FRAS1: variants seen among roughly 807,000 people sequenced by gnomAD.
FRAS1 encodes extracellular matrix organizing protein FRAS1.
Under a neutral mutation model 435.2 loss-of-function variants are expected in FRAS1, and 290 were observed. The observed-to-expected ratio is 0.67, with a 90% confidence interval of 0.61 to 0.73. FRAS1 has a LOEUF of 0.73. Among genes scored for constraint, FRAS1 ranks in the 30% least tolerant of loss-of-function variants. The pLI is 0.00. For missense variants in FRAS1, 4,860 were observed against 5,001.5 expected (o/e 0.97, Z 0.85); for synonymous variants, 1,800 against 1,851.0 (o/e 0.97, Z 0.71).
At chr4:78,281,789 C>T (rs1385602049) in intron 11 of FRAS1, among the ~76,000 whole-genome samples, 1 of 152,158 alleles carries the variant, frequency 6.6e-6, no homozygotes, top group Non-Finnish European at 1.5e-5. Context: ...GAAGAAAGAG[C>T]TTCTTGGGTT....
At chr4:78,250,734 C>T (rs892585548) in intron 4 of FRAS1, among the ~76,000 whole-genome samples, 12 of 152,138 alleles carry the variant, frequency 7.9e-5, no homozygotes, top group Non-Finnish European at 1.8e-4. Flanking sequence ...CAGGTGTTAT[C>T]GTGAGGGAAG....
chr4:78,429,376 C>A, intron 36 of FRAS1, 150 bp downstream of exon 36: 1 of 1,016,880 alleles, frequency 9.8e-7, no homozygotes, highest in Non-Finnish European at 1.4e-6. Flanking sequence ...CTGCCCATTT[C>A]TATGCAAACA....
chr4:78,268,814 G>T (rs1046082189), intron 9 of FRAS1, among the ~76,000 whole-genome samples: 1 of 152,196 alleles, frequency 6.6e-6, no homozygotes, highest in Non-Finnish European at 1.5e-5. Flanking sequence ...TATTCTTAGG[G>T]AATATGGGGA....
chr4:78,274,883 C>G (rs1325559156), intron 9 of FRAS1, among the ~76,000 whole-genome samples: 1 of 152,096 alleles, frequency 6.6e-6, no homozygotes, highest in Non-Finnish European at 1.5e-5. Context: ...AACTTTCTGT[C>G]TCGTTGATCT....
intron 2 of FRAS1, among the ~76,000 whole-genome samples, chr4:78,100,005 T>C (rs371013104): frequency 2.6e-5 from 4 of 152,292 alleles, no homozygotes; most frequent in South Asian, 4.1e-4. Context: ...ACAGGGTTTG[T>C]TTAGTGACAT....
At chr4:78,488,274 T>G (rs560374937) in intron 58 of FRAS1, among the ~76,000 whole-genome samples, 1 of 152,252 alleles carries the variant, frequency 6.6e-6, no homozygotes, top group African/African-American at 2.4e-5. Flanking sequence ...GTTTGCTATT[T>G]TTGAATTCAG....
At chr4:78,278,314 G>C (rs1727159847) in intron 9 of FRAS1, among the ~76,000 whole-genome samples, 1 of 152,230 alleles carries the variant, frequency 6.6e-6, no homozygotes, top group Non-Finnish European at 1.5e-5. Flanking sequence ...GTTTAAGGTA[G>C]TGTGATCCTT....
At chr4:78,117,092 C>G (rs1743247316) in intron 2 of FRAS1, among the ~76,000 whole-genome samples, 1 of 152,154 alleles carries the variant, frequency 6.6e-6, no homozygotes, top group African/African-American at 2.4e-5. Flanking sequence ...ACTTATGAAG[C>G]TTAGTTTGTC....
intron 61 of FRAS1, among the ~76,000 whole-genome samples, chr4:78,502,790 G>T (rs1296907229): frequency 1.3e-5 from 2 of 152,148 alleles, no homozygotes; most frequent in Admixed American, 6.5e-5. Flanking sequence ...CTTGTCCTGT[G>T]CCAGTTTTCA....
intron 2 of FRAS1, among the ~76,000 whole-genome samples, chr4:78,182,321 G>A (rs1474501434): frequency 7.9e-5 from 12 of 152,184 alleles, no homozygotes; most frequent in African/African-American, 2.9e-4. Context: ...GAGCACCTGG[G>A]GGCCTGGAAG....
At chr4:78,426,285 C>A (rs143973771) in intron 35 of FRAS1, among the ~76,000 whole-genome samples, 1 of 152,256 alleles carries the variant, frequency 6.6e-6, no homozygotes, top group East Asian at 1.9e-4. Flanking sequence ...TACCTGAAAG[C>A]TTGAGTAGGT....
At chr4:78,539,232 C>T in intron 72 of FRAS1, 62 bp from the exon 73 acceptor site, 1 of 1,531,646 alleles carries the variant, frequency 6.5e-7, no homozygotes, top group Admixed American at 1.9e-5. Context: ...CAGTCACTGC[C>T]ACCTACCAAT....
Position 78,473,419 on chromosome 4 carries a change from TGA to T in FRAS1, c.7523-17_7523-16del. 2 of 1,605,738 alleles carry T rather than the reference TGA, an allele frequency of 1.2e-6. No individual in the cohort carries two copies. The highest frequency in any genetic ancestry group is 1.7e-6 in the Non-Finnish European group (2 of 1,174,724). ...GTTACATCCCTGGGTTAATTCACAG[TGA>T]GTCTTTTTTCTCACAGAGGATGTGA... On this transcript the variant is annotated splice_polypyrimidine_tract_variant and intron_variant, in intron 52 of 73. Coordinates refer to ENST00000512123, the MANE Select transcript of FRAS1 (RefSeq NM_025074.7).
intron 2 of FRAS1, among the ~76,000 whole-genome samples, chr4:78,105,636 C>T (rs1050293493): frequency 4.6e-5 from 7 of 152,188 alleles, no homozygotes; most frequent in African/African-American, 1.2e-4. Context: ...ACATATTAGT[C>T]TTAACATCAC....
chr4:78,389,380 C>T (rs760387609), intron 29 of FRAS1, among the ~76,000 whole-genome samples: 1 of 152,172 alleles, frequency 6.6e-6, no homozygotes, highest in Non-Finnish European at 1.5e-5. Context: ...TCAAAATTTG[C>T]GATTGATCCG....
chr4:78,171,681 C>T lies in FRAS1; in HGVS notation c.109-65829C>T, dbSNP rs151270811. Among the ~76,000 whole-genome samples the T allele has an allele frequency of 1.4e-4, 22 of 152,270 alleles. No homozygotes were observed. In the East Asian group the frequency reaches 3.1e-3, roughly 21 times the overall value. On this transcript the variant is annotated intron_variant, in intron 2 of 73. Transcript: ENST00000512123. ...TTCTTTGCCTAGCCTGTGAGTGTCG[C>T]CTCCTGGCTGGAAAAAATAAAATTA... is the stretch of plus-strand genomic sequence containing the variant.
intron 2 of FRAS1, among the ~76,000 whole-genome samples, chr4:78,099,068 C>A (rs1741974015): frequency 6.6e-6 from 1 of 152,186 alleles, no homozygotes; most frequent in African/African-American, 2.4e-5. Flanking sequence ...TTAACAGATT[C>A]TTAAAATCTC....
At chr4:78,273,703 G>C (rs927506874) in intron 9 of FRAS1, among the ~76,000 whole-genome samples, 2 of 152,162 alleles carry the variant, frequency 1.3e-5, no homozygotes, top group East Asian at 3.8e-4. Context: ...ATGTGCTGCT[G>C]GATTTGGTTT....
intron 53 of FRAS1, among the ~76,000 whole-genome samples, chr4:78,474,208 T>C (rs1309888777): frequency 6.6e-6 from 1 of 152,230 alleles, no homozygotes; most frequent in African/African-American, 2.4e-5. Context: ...GACAGCCCTT[T>C]AAGATGCTTT....
Sources: gnomAD v4.1 joint callset for allele counts (sites outside exome capture counted in the v4.1 genomes callset) on GRCh38, gnomAD v4.1.1 for gene constraint, MANE v1.5 for transcripts, NCBI Gene and HGNC (gene_info 2026-07-23, HGNC 2026-07-21) for gene names.